CLEC16A: variants seen among roughly 807,000 people sequenced by gnomAD.
The protein encoded by CLEC16A is C-type lectin domain containing 16A.
CLEC16A carries 51 observed loss-of-function variants against 109.5 expected under a neutral mutation model. The ratio of observed to expected loss-of-function variants is 0.47; its 90% CI spans 0.37 to 0.59. The LOEUF is 0.59. CLEC16A is among the 20% of genes least tolerant of loss of function. CLEC16A has a pLI of 0.00. For synonymous variants in CLEC16A, 673 were observed against 564.2 expected, an observed-to-expected ratio of 1.19 and a Z score of -2.73; for missense variants, 1,339 against 1,394.0, an observed-to-expected ratio of 0.96 and a Z score of 0.63.
chr16:10,990,078 C>T (rs1480059163), intron 10 of CLEC16A, among the ~76,000 whole-genome samples: 1 of 152,192 alleles, frequency 6.6e-6, no homozygotes, highest in African/African-American at 2.4e-5. Flanking sequence ...TAATAGGCTT[C>T]TGGGAGAAGG....
chr16:10,983,042 T>G, intron 10 of CLEC16A, 51 bp downstream of exon 10: 1 of 1,000,548 alleles, frequency 1.0e-6, no homozygotes, highest in African/African-American at 1.6e-5. Flanking sequence ...TTGCTCATTT[T>G]GCTAATCTGT....
At chr16:10,980,724 T>G (rs566159857) in intron 9 of CLEC16A, among the ~76,000 whole-genome samples, 5 of 152,268 alleles carry the variant, frequency 3.3e-5, no homozygotes, top group African/African-American at 1.2e-4. Context: ...TCCTCAAACT[T>G]GAGTAATACA....
chr16:11,161,895 C>T lies in CLEC16A; in HGVS notation c.2642-4493C>T, dbSNP rs563034622. ...CGAAACTCGTGTGCAAGCCCCTAGGCGGCTGCTGGCCGGCTCTGAATCTTG... is the reference window on the plus strand; with the variant it reads ...CGAAACTCGTGTGCAAGCCCCTAGGTGGCTGCTGGCCGGCTCTGAATCTTG... On this transcript the variant is annotated intron_variant, in intron 22 of 23. Transcript: ENST00000409790. Among the ~76,000 whole-genome samples, 13 of 152,284 alleles carry T rather than the reference C, an allele frequency of 8.5e-5. No individual in the cohort carries two copies. The East Asian group carries it at 2.3e-3, about 27-fold the overall frequency.
intron 17 of CLEC16A, chr16:11,047,671 C>A (rs1042105621): frequency 5.6e-6 from 1 of 177,728 alleles, no homozygotes; most frequent in Non-Finnish European, 1.2e-5. Context: ...TCTCTTCATC[C>A]TCACACCAAC....
rs537374323 is a variant in CLEC16A at position 11,094,606 on chromosome 16, G to T, written c.2117-26009G>T. Among the ~76,000 whole-genome samples the T allele has an allele frequency of 7.2e-5, 11 of 152,358 alleles. 1 individual carries two copies. The South Asian group carries it at 1.2e-3, about 17-fold the overall frequency. ...AGCTCCTTTCTTAAGAACTGACCTT[G>T]TGTGTCTCTTTTTGCATCTGAGTTC... On this transcript the variant is annotated intron_variant, in intron 19 of 23. Coordinates refer to ENST00000409790, the MANE Select transcript of CLEC16A (RefSeq NM_015226.3).
At chr16:11,130,600 G>T (rs902967218) in intron 22 of CLEC16A, among the ~76,000 whole-genome samples, 2 of 152,188 alleles carry the variant, frequency 1.3e-5, no homozygotes, top group Non-Finnish European at 2.9e-5. Flanking sequence ...GGGAGATTCG[G>T]TCATCAGAAA....
At chr16:10,989,089 AATG>A (rs1259247341) in intron 10 of CLEC16A, among the ~76,000 whole-genome samples, 3 of 152,168 alleles carry the variant, frequency 2.0e-5, no homozygotes, top group Non-Finnish European at 4.4e-5. Context: ...ATGAAACACC[AATG>A]TTAGCCATTG....
intron 22 of CLEC16A, among the ~76,000 whole-genome samples, chr16:11,157,716 A>T (rs1403402054): frequency 6.6e-6 from 1 of 152,146 alleles, no homozygotes; most frequent in African/African-American, 2.4e-5. Flanking sequence ...CACCTGGCCC[A>T]TGTCGGTGTG....
intron 22 of CLEC16A, among the ~76,000 whole-genome samples, chr16:11,152,786 C>T (rs927827875): frequency 1.1e-4 from 16 of 152,210 alleles, no homozygotes; most frequent in African/African-American, 3.9e-4. Flanking sequence ...CGGCATCTTT[C>T]CTCCAGCCTC....
At chr16:11,005,353 C>T (rs79733927) in intron 11 of CLEC16A, among the ~76,000 whole-genome samples, 47 of 152,278 alleles carry the variant, frequency 3.1e-4, no homozygotes, top group Non-Finnish European at 6.3e-4. Context: ...GAATTTCTGC[C>T]ACGTCCAAAA....
At chr16:11,161,952 A>G (rs1477050149) in intron 22 of CLEC16A, among the ~76,000 whole-genome samples, 2 of 152,226 alleles carry the variant, frequency 1.3e-5, no homozygotes, top group Non-Finnish European at 1.5e-5. Context: ...TTGGTGGGGA[A>G]AGCTTAAAGA....
Position 11,120,726 on chromosome 16 carries a change from G to T in CLEC16A, c.2228G>T (p.Arg743Met), listed in dbSNP as rs1460716883. The T allele has an allele frequency of 5.7e-6, 9 of 1,592,272 alleles. No individual in the cohort carries two copies. Among genetic ancestry groups the T allele is most frequent in the Non-Finnish European group, 7.7e-6 (9 of 1,168,780 alleles). Reference sequence around the variant, plus strand: ...AGTTTGGTGGAGCCTGATGTGTCCAGGCTTGGCTGGGGAGTGGTCAAGTTT... The same window carrying T: ...AGTTTGGTGGAGCCTGATGTGTCCATGCTTGGCTGGGGAGTGGTCAAGTTT... Reference protein sequence around the residue: ...QMSLVEPDVSRLGWGVVKFAG... With the variant: ...QMSLVEPDVSMLGWGVVKFAG... Residue 743 changes from arginine to methionine, a missense_variant, in exon 20 of 24, where the codon AGG becomes ATG. Arg to Met is a moderately conservative substitution (Grantham distance 91, BLOSUM62 -1). Coordinates refer to ENST00000409790, the MANE Select transcript of CLEC16A (RefSeq NM_015226.3).
intron 22 of CLEC16A, among the ~76,000 whole-genome samples, chr16:11,128,598 A>C (rs1423326811): frequency 6.6e-6 from 1 of 152,186 alleles, no homozygotes; most frequent in African/African-American, 2.4e-5. Context: ...ACCCCCGCAA[A>C]GAGGGAGGCC....
chr16:11,123,514 C>T (rs758733523), intron 20 of CLEC16A, among the ~76,000 whole-genome samples: 5 of 152,172 alleles, frequency 3.3e-5, no homozygotes, highest in African/African-American at 9.6e-5. Context: ...CACCAGCATC[C>T]GCTCCTTTGG....
chr16:10,946,529 G>C (rs1309966251), intron 1 of CLEC16A, among the ~76,000 whole-genome samples: 1 of 152,042 alleles, frequency 6.6e-6, no homozygotes, highest in Non-Finnish European at 1.5e-5. Context: ...TTAGATGGGA[G>C]GGCAGCTGGC....
chr16:11,073,400 T>G (rs1433099939), intron 19 of CLEC16A, among the ~76,000 whole-genome samples: 3 of 152,024 alleles, frequency 2.0e-5, no homozygotes, highest in Non-Finnish European at 4.4e-5. Context: ...CTCTGCCCCA[T>G]CCCTGGTCTG....
At chr16:11,053,806 G>C (rs929088478) in intron 18 of CLEC16A, among the ~76,000 whole-genome samples, 5 of 152,202 alleles carry the variant, frequency 3.3e-5, no homozygotes, top group African/African-American at 1.2e-4. Flanking sequence ...CTGATCCACT[G>C]CTTCCCACAC....
At chr16:11,036,631 C>T (rs945516206) in intron 13 of CLEC16A, among the ~76,000 whole-genome samples, 15 of 150,258 alleles carry the variant, frequency 1.0e-4, no homozygotes, top group Non-Finnish European at 2.2e-4. Context: ...CCCACTGCAA[C>T]CTCCGCCTCC....
intron 22 of CLEC16A, among the ~76,000 whole-genome samples, chr16:11,130,345 A>G (rs924853595): frequency 5.3e-5 from 8 of 152,280 alleles, no homozygotes; most frequent in African/African-American, 1.7e-4. Context: ...GGGGCCCTAG[A>G]TACTTGGTGG....
Sources: gnomAD v4.1 joint callset for allele counts (sites outside exome capture counted in the v4.1 genomes callset) on GRCh38, gnomAD v4.1.1 for gene constraint, MANE v1.5 for transcripts, NCBI Gene and HGNC (gene_info 2026-07-23, HGNC 2026-07-21) for gene names.